Variants in MYLK4 observed in about 807,000 individuals in gnomAD.
MYLK4 encodes the protein caMLCK like.
Under a neutral mutation model 48.1 loss-of-function variants are expected in MYLK4, and 46 were observed. That is an observed-to-expected ratio of 0.96 (90% confidence interval 0.75 to 1.22). The LOEUF (loss-of-function observed/expected upper bound fraction) is 1.22. MYLK4 is among the 50% of genes most tolerant of loss of function. The pLI is 0.00. For missense variants in MYLK4, 451 were observed against 486.1 expected, an observed-to-expected ratio of 0.93 and a Z score of 0.68; for synonymous variants, 170 against 180.8, an observed-to-expected ratio of 0.94 and a Z score of 0.48.
At position 2,747,061 on chromosome 6, in the gene MYLK4, A is replaced by G. The variant is rs574933533; in HGVS notation, c.159+2075T>C. 6.6e-4 allele frequency among the ~76,000 whole-genome samples: 101 copies of G among 152,312 alleles called. 1 individual carries two copies. Among genetic ancestry groups the G allele is most frequent in the Non-Finnish European group, 6.3e-4 (43 of 68,024 alleles). ...TCTAGGCCCTTCTCCATTTACAAGT[A>G]AGAAATTGAATGGGACACATGGAGC... On this transcript the variant is annotated intron_variant, in intron 2 of 12. Coordinates refer to ENST00000274643, the MANE Select transcript of MYLK4 (RefSeq NM_001012418.5).
chr6:2,697,961 T>C (rs1762129708), intron 2 of MYLK4, among the ~76,000 whole-genome samples: 1 of 152,212 alleles, frequency 6.6e-6, no homozygotes, highest in African/African-American at 2.4e-5. Context: ...GCTGCACCCC[T>C]GAAAAGCCAG....
intron 2 of MYLK4, among the ~76,000 whole-genome samples, chr6:2,712,314 ACTCT>A (rs1301376860): frequency 6.6e-6 from 1 of 152,108 alleles, no homozygotes; most frequent in East Asian, 1.9e-4. Context: ...GCACTCACGT[ACTCT>A]CTCTGACATG....
upstream of MYLK4, among the ~76,000 whole-genome samples, chr6:2,752,541 T>C (rs560335239): frequency 6.5e-4 from 99 of 152,184 alleles, no homozygotes; most frequent in African/African-American, 2.3e-3. Context: ...TTCTGAGCAC[T>C]TGAAAGACAG....
At chr6:2,744,180 C>T (rs866242466) in intron 2 of MYLK4, 7 of 396,902 alleles carry the variant, frequency 1.8e-5, no homozygotes, top group Middle Eastern at 6.2e-4. Flanking sequence ...CTTGCAGAGT[C>T]CTGCACTGGA....
intron 2 of MYLK4, among the ~76,000 whole-genome samples, chr6:2,703,055 A>G (rs1234627017): frequency 2.0e-5 from 3 of 152,164 alleles, no homozygotes; most frequent in African/African-American, 7.2e-5. Context: ...GGATTTTCTG[A>G]GACTCCCAGG....
intron 2 of MYLK4, among the ~76,000 whole-genome samples, chr6:2,721,199 A>G (rs1030052073): frequency 5.9e-5 from 9 of 152,160 alleles, no homozygotes; most frequent in Non-Finnish European, 1.2e-4. Context: ...ACAATAAGAG[A>G]ACATGAAACT....
chr6:2,713,511 G>A (rs1762756263), intron 2 of MYLK4, among the ~76,000 whole-genome samples: 1 of 152,356 alleles, frequency 6.6e-6, no homozygotes, highest in Middle Eastern at 3.4e-3. Context: ...CAAAAGAGAA[G>A]GTTCTGTGTG....
At chr6:2,757,196 G>T in the MYLK4 span, among the ~76,000 whole-genome samples, 3 of 151,734 alleles carry the variant, frequency 2.0e-5, no homozygotes, top group Non-Finnish European at 4.4e-5. Flanking sequence ...AATAAGTTGA[G>T]CTATTATGTA....
Position 2,685,390 on chromosome 6 carries a change from C to G in MYLK4, c.451G>C (p.Glu151Gln). ...TCCAGCTGGTTCATGACGCTGATCT[C>G]GTTCTTCACCTCCTCCTGAGAAGCA... is the stretch of plus-strand genomic sequence containing the variant. ...GMKDKEEVKN[E>Q]ISVMNQLDHA... is the part of the protein sequence containing the mutation. Residue 151 changes from glutamate (E) to glutamine (Q), a missense_variant, in exon 6 of 13, where the codon GAG becomes CAG. Transcript: ENST00000274643. This position sits in a 1 kb window ranked among gnomAD's most constrained non-coding sequence, Gnocchi z 4.5. The G allele has an allele frequency of 6.4e-7, 1 of 1,557,066 alleles. No individual in the cohort carries two copies. Among genetic ancestry groups the G allele is most frequent in the Non-Finnish European group, 8.7e-7 (1 of 1,144,146 alleles).
rs985800162 is a variant in MYLK4, at chr6:2,709,710, T to A, written c.160-16851A>T. 3.3e-5 allele frequency among the ~76,000 whole-genome samples: 5 copies of A among 152,264 alleles called. No homozygotes were observed. The South Asian group carries it at 1.0e-3, about 31-fold the overall frequency. On this transcript the variant is annotated intron_variant, in intron 2 of 12. Transcript: ENST00000274643. ...TGAGAACAATTGCCCTAGGGTTAGC[T>A]TGCTAATGTACGATCTCTCTAATTT...
At chr6:2,687,934 T>C (rs1389775465) in intron 4 of MYLK4, among the ~76,000 whole-genome samples, 7 of 152,168 alleles carry the variant, frequency 4.6e-5, no homozygotes, top group Non-Finnish European at 8.8e-5. Context: ...AATTTAGACT[T>C]TGAGTTACAA....
intron 2 of MYLK4, among the ~76,000 whole-genome samples, chr6:2,733,919 CA>C (rs1207297432): frequency 1.3e-5 from 2 of 152,054 alleles, no homozygotes; most frequent in Non-Finnish European, 2.9e-5. Flanking sequence ...TTCTTATCTA[CA>C]GTGGTTCTCA....
At chr6:2,770,222 C>T in the MYLK4 span, 7 of 1,614,050 alleles carry the variant, frequency 4.3e-6, no homozygotes, top group African/African-American at 5.3e-5. Context: ...GAGCCGCTGT[C>T]GAGTGATTGT....
chr6:2,730,704 T>C (rs1188044311), intron 2 of MYLK4, among the ~76,000 whole-genome samples: 1 of 151,682 alleles, frequency 6.6e-6, no homozygotes, highest in African/African-American at 2.4e-5. Context: ...TTTTTTCTTA[T>C]TTGCAAAAGG....
At chr6:2,694,511 G>A (rs1186471894) in intron 2 of MYLK4, among the ~76,000 whole-genome samples, 2 of 22,740 alleles carry the variant, frequency 8.8e-5, no homozygotes, top group African/African-American at 4.3e-4. Context: ...TGGTGGTGGT[G>A]GCGGTGGTGG....
intron 12 of MYLK4, among the ~76,000 whole-genome samples, chr6:2,669,485 A>G (rs1223413161): frequency 6.6e-6 from 1 of 152,176 alleles, no homozygotes; most frequent in African/African-American, 2.4e-5. Context: ...CCTGGCACCC[A>G]GTGAATTCAT....
intron 2 of MYLK4, among the ~76,000 whole-genome samples, chr6:2,728,568 A>T (rs9405581): frequency 0.8 from 121,768 of 151,628 alleles, 50,736 homozygotes; most frequent in East Asian, 0.94. Flanking sequence ...ATTCTCTTCC[A>T]TCTGTCTTTC....
intron 3 of MYLK4, 90 bp from the exon 4 acceptor site, chr6:2,689,046 C>T (rs1232625775): frequency 1.3e-5 from 12 of 936,848 alleles, no homozygotes; most frequent in East Asian, 2.4e-5. Context: ...AAAATGTGCT[C>T]ATTTAATAAT....
At chr6:2,769,945 A>G in the MYLK4 span, among the ~76,000 whole-genome samples, 1 of 152,216 alleles carries the variant, frequency 6.6e-6, no homozygotes, top group African/African-American at 2.4e-5. Flanking sequence ...CTTAAAAGCA[A>G]GAGTTGTACT....
Sources: allele counts gnomAD v4.1 joint callset (sites outside exome capture counted in the v4.1 genomes callset), GRCh38; gene constraint gnomAD v4.1.1; non-coding constraint Gnocchi (gnomAD v3.1); transcripts MANE v1.5; gene names NCBI Gene and HGNC (gene_info 2026-07-23, HGNC 2026-07-21).